The following CDON variants were observed in gnomAD, a reference collection of about 807,000 sequenced individuals.
CDON encodes the protein cell adhesion molecule-related/down-regulated by oncogenes.
CDON carries 73 observed loss-of-function variants against 120.9 expected under a neutral mutation model. The ratio of observed to expected loss-of-function variants is 0.60; its 90% CI spans 0.50 to 0.73. The LOEUF is 0.73. CDON is among the 30% of genes least tolerant of loss of function. The pLI, the probability that CDON is intolerant of heterozygous loss-of-function variation, is 0.00. For synonymous variants in CDON, 566 were observed against 573.5 expected, an observed-to-expected ratio of 0.99 and a Z score of 0.19; for missense variants, 1,470 against 1,587.3, an observed-to-expected ratio of 0.93 and a Z score of 1.26.
chr11:125,969,223 C>A (rs1411765820), intron 18 of CDON, among the ~76,000 whole-genome samples: 2 of 152,178 alleles, frequency 1.3e-5, no homozygotes, highest in Non-Finnish European at 2.9e-5. Flanking sequence ...GTCTTGAACT[C>A]CCGACCTCAG....
rs1456780534 is a variant in CDON at position 125,997,504 on chromosome 11, T to C, written c.2159-94A>G. On this transcript the variant is annotated intron_variant, in intron 11 of 19. Coordinates refer to ENST00000531738, the MANE Select transcript of CDON (RefSeq NM_001378964.1). ...GGGATAAGTCCCAAACTTCATGTTA[T>C]TAAAGGTTCTTCACCAAACTTTTTG... The C allele has an allele frequency of 4.7e-5, 47 of 991,934 alleles. No homozygotes were observed. In the East Asian group the frequency reaches 8.6e-4, roughly 18 times the overall value. 61.4% of individuals were successfully genotyped at this position (991,934 alleles called of 1,614,324 possible).
At chr11:126,036,680 G>A (rs749310367) in intron 1 of CDON, among the ~76,000 whole-genome samples, 2 of 152,158 alleles carry the variant, frequency 1.3e-5, no homozygotes, top group Non-Finnish European at 2.9e-5. Context: ...TTCTTAAAAC[G>A]TACAACTTTA....
intron 1 of CDON, among the ~76,000 whole-genome samples, chr11:126,040,618 A>T (rs1368740065): frequency 6.6e-6 from 1 of 151,328 alleles, no homozygotes; most frequent in East Asian, 1.9e-4. Context: ...GATCGAGACC[A>T]TCCTGGCTAA....
chr11:126,002,920 C>T (rs1418693728), intron 10 of CDON, among the ~76,000 whole-genome samples: 1 of 152,278 alleles, frequency 6.6e-6, no homozygotes, highest in East Asian at 1.9e-4. Flanking sequence ...ACACCATGTA[C>T]ACCCAACCTT....
chr11:126,051,017 A>G (rs928015941), intron 1 of CDON, among the ~76,000 whole-genome samples: 3 of 149,786 alleles, frequency 2.0e-5, no homozygotes, highest in African/African-American at 7.3e-5. Flanking sequence ...CTCGATGTAA[A>G]TTTTTTTTTT....
intron 1 of CDON, among the ~76,000 whole-genome samples, chr11:126,025,061 C>T (rs768935796): frequency 2.6e-5 from 4 of 151,884 alleles, no homozygotes; most frequent in African/African-American, 7.3e-5. Context: ...AAAAATTAGC[C>T]GAGCCTGGTG....
In CDON at chr11:126,010,435, A is replaced by G; in HGVS notation, c.1458T>C (p.His486=). The part of the protein sequence containing the change: ...VLSQAGASSL[H]IQAVTQEHAG... ...CATGTTCCTGAGTCACAGCCTGAAT[A>G]TGGAGAGAGCTTGCACCAGCTTGGG... Residue 486 remains histidine, a synonymous_variant, in exon 8 of 20, where the codon CAT becomes CAC. Coordinates refer to ENST00000531738, the MANE Select transcript of CDON (RefSeq NM_001378964.1). 1 of 1,614,112 alleles carries G rather than the reference A, an allele frequency of 6.2e-7. No homozygotes were observed. Among genetic ancestry groups the G allele is most frequent in the Non-Finnish European group, 8.5e-7 (1 of 1,179,984 alleles).
chr11:126,032,557 A>G (rs1480134064), intron 1 of CDON, among the ~76,000 whole-genome samples: 1 of 152,216 alleles, frequency 6.6e-6, no homozygotes, highest in Non-Finnish European at 1.5e-5. Context: ...TCAGTCCCGT[A>G]CCTTTGAAAA....
chr11:126,010,845 T>G (rs1276692575), intron 7 of CDON, 151 bp from the exon 8 acceptor site: 1 of 699,046 alleles, frequency 1.4e-6, no homozygotes. Context: ...TTTCACCAAG[T>G]AAGACTGTCA....
intron 18 of CDON, among the ~76,000 whole-genome samples, chr11:125,969,860 T>C (rs972210566): frequency 2.6e-5 from 4 of 152,144 alleles, no homozygotes; most frequent in South Asian, 2.1e-4. Context: ...GACTAGGAAA[T>C]AGAAGATTGG....
intron 14 of CDON, 45 bp from the exon 15 acceptor site, chr11:125,989,804 G>A: frequency 1.3e-6 from 2 of 1,569,548 alleles, no homozygotes; most frequent in South Asian, 1.1e-5. Flanking sequence ...CAGCCTAAAT[G>A]ATAATGTCAA....
rs1219375472 is a variant in CDON, at chr11:125,984,170, T to A, written c.2774-77A>T. 8 of 1,055,776 alleles carry A rather than the reference T, an allele frequency of 7.6e-6. No homozygotes were observed. In the East Asian group the frequency reaches 1.5e-4, roughly 20 times the overall value. 65.4% of individuals were successfully genotyped at this position (1,055,776 alleles called of 1,614,324 possible). On this transcript the variant is annotated intron_variant, in intron 15 of 19. Transcript: ENST00000531738. ...GAAATGGTTTACTCTCTGAAGGAGG[T>A]CTGGTTAGGAATGCAAGCCAGTCTG...
intron 18 of CDON, among the ~76,000 whole-genome samples, chr11:125,971,382 C>CTAAATAA: frequency 9.7e-6 from 1 of 103,222 alleles, no homozygotes; most frequent in Non-Finnish European, 2.3e-5. Context: ...GACTCTGTCT[C>CTAAATAA]TAAATAAATA....
intron 18 of CDON, among the ~76,000 whole-genome samples, chr11:125,977,893 T>C (rs1013836011): frequency 2.6e-5 from 4 of 151,002 alleles, no homozygotes; most frequent in African/African-American, 9.7e-5. Flanking sequence ...GTGAAAAAAA[T>C]TACTATATAC....
At chr11:125,971,359 G>A (rs1256595417) in intron 18 of CDON, among the ~76,000 whole-genome samples, 3 of 147,442 alleles carry the variant, frequency 2.0e-5, no homozygotes, top group Non-Finnish European at 3.0e-5. Context: ...CTCCAGCCTG[G>A]GCGACACAGC....
rs1356458017 is a variant in CDON at position 125,998,861 on chromosome 11, G to A, written c.2159-1451C>T. 2.6e-5 allele frequency among the ~76,000 whole-genome samples: 4 copies of A among 152,130 alleles called. No homozygotes were observed. The East Asian group carries it at 7.7e-4, about 29-fold the overall frequency. On this transcript the variant is annotated intron_variant, in intron 11 of 19. Transcript: ENST00000531738. ...AAGTTTCTAGAGCTGGAATGTGGAG[G>A]GCCAACTCTGGGCCATGGTGACGCT...
chr11:126,038,310 C>T (rs1309861022), intron 1 of CDON, among the ~76,000 whole-genome samples: 1 of 152,084 alleles, frequency 6.6e-6, no homozygotes, highest in East Asian at 1.9e-4. Flanking sequence ...AATATGTATA[C>T]AGTAGAAGAG....
chr11:126,032,635 C>T (rs537225220), intron 1 of CDON, among the ~76,000 whole-genome samples: 2 of 152,080 alleles, frequency 1.3e-5, no homozygotes, highest in Non-Finnish European at 2.9e-5. Context: ...GTGAGAGATA[C>T]GGGGACCTGT....
At chr11:126,026,742 T>C (rs1274859735) in intron 1 of CDON, among the ~76,000 whole-genome samples, 1 of 152,172 alleles carries the variant, frequency 6.6e-6, no homozygotes, top group Non-Finnish European at 1.5e-5. Context: ...GTGAAAACTT[T>C]TTTGGTTTAT....
Sources: gnomAD v4.1 joint callset for allele counts (sites outside exome capture counted in the v4.1 genomes callset) on GRCh38, gnomAD v4.1.1 for gene constraint, MANE v1.5 for transcripts, NCBI Gene and HGNC (gene_info 2026-07-23, HGNC 2026-07-21) for gene names.